The following PTPRM variants were observed in gnomAD, a reference collection of about 807,000 sequenced individuals.
The protein encoded by PTPRM is receptor-type tyrosine-protein phosphatase mu.
A neutral mutation model predicts 186.7 loss-of-function variants in PTPRM; 47 were observed. That is an observed-to-expected ratio of 0.25 (90% CI 0.20 to 0.32). The LOEUF (loss-of-function observed/expected upper bound fraction) is 0.32, where lower values mean the gene tolerates loss of function less well. Ranked by LOEUF, PTPRM falls within the 10% of genes least tolerant of loss-of-function variation. The pLI is 1.00. For missense variants in PTPRM, 1,494 were observed against 1,865.0 expected, an observed-to-expected ratio of 0.80 and a Z score of 3.66; for synonymous variants, 668 against 674.9, an observed-to-expected ratio of 0.99 and a Z score of 0.16.
chr18:7,985,052 T>C (rs2082835534), intron 7 of PTPRM, among the ~76,000 whole-genome samples: 1 of 123,842 alleles, frequency 8.1e-6, no homozygotes, highest in South Asian at 2.4e-4. Context: ...CATATAATTA[T>C]ATATACATAT....
intron 1 of PTPRM, among the ~76,000 whole-genome samples, chr18:7,686,832 A>G (rs1173114442): frequency 6.6e-6 from 1 of 152,168 alleles, no homozygotes; most frequent in Non-Finnish European, 1.5e-5. Flanking sequence ...AAATCCTTAT[A>G]TTTAATCCCT....
Position 8,244,205 on chromosome 18 carries a change from G to A in PTPRM, c.2448G>A (p.Gly816=). The change falls in exon 15 of 33, where the codon GGG becomes GGA. Residue 816 remains glycine (G), a synonymous_variant. Transcript: ENST00000580170. ...TCATGGACACGCACAATCTGAATGG[G>A]AGATGTAAGTGCATATGTTTCTTGG... is the stretch of plus-strand genomic sequence containing the variant. ...FSFMDTHNLN[G]RSVSSPSSFT... 1 of 1,560,444 alleles carries A rather than the reference G, an allele frequency of 6.4e-7. No individual in the cohort carries two copies. Among genetic ancestry groups the A allele is most frequent in the Non-Finnish European group, 8.6e-7 (1 of 1,159,938 alleles).
chr18:7,984,787 A>G (rs895476630), intron 7 of PTPRM, among the ~76,000 whole-genome samples: 6 of 137,558 alleles, frequency 4.4e-5, no homozygotes, highest in Non-Finnish European at 7.7e-5. Context: ...AAAATTATAT[A>G]CACACATATA....
intron 19 of PTPRM, among the ~76,000 whole-genome samples, chr18:8,284,755 A>G (rs2094938169): frequency 1.3e-5 from 2 of 152,208 alleles, no homozygotes; most frequent in African/African-American, 4.8e-5. Flanking sequence ...CTCAAAAAAC[A>G]TAAATAAATA....
intron 3 of PTPRM, among the ~76,000 whole-genome samples, chr18:7,893,220 A>C (rs1310414051): frequency 6.6e-6 from 1 of 152,200 alleles, no homozygotes; most frequent in Non-Finnish European, 1.5e-5. Context: ...AGGTCAAAGC[A>C]CAAGGCAGAA....
At chr18:8,178,157 A>G (rs775793124) in intron 14 of PTPRM, among the ~76,000 whole-genome samples, 1 of 152,186 alleles carries the variant, frequency 6.6e-6, no homozygotes, top group Non-Finnish European at 1.5e-5. Context: ...TGTGCCTAGA[A>G]TTAGAATATT....
At chr18:8,041,723 T>C (rs584379) in intron 7 of PTPRM, among the ~76,000 whole-genome samples, 134,917 of 152,246 alleles carry the variant, frequency 0.89, 60,061 homozygotes, top group African/African-American at 0.97. Flanking sequence ...TACATCTGTA[T>C]TGTGGCACCT....
chr18:8,055,859 T>C (rs2087889034), intron 7 of PTPRM, among the ~76,000 whole-genome samples: 1 of 152,220 alleles, frequency 6.6e-6, no homozygotes, highest in Non-Finnish European at 1.5e-5. Flanking sequence ...CTTGAGAACA[T>C]CATATTTGGC....
At position 7,985,289 on chromosome 18, in the gene PTPRM, A is replaced by T. The variant is rs1461936599; in HGVS notation, c.1132+29875A>T. ...TACATATAATAGTATATACACATAA[A>T]TATATACATATAATAGTATATACAC... is the stretch of plus-strand genomic sequence containing the variant. On this transcript the variant is annotated intron_variant, in intron 7 of 32. Transcript: ENST00000580170. 1.9e-5 allele frequency among the ~76,000 whole-genome samples: 2 copies of T among 103,198 alleles called. 1 individual carries two copies. Among genetic ancestry groups the T allele is most frequent in the Non-Finnish European group, 3.9e-5 (2 of 51,046 alleles). 67.7% of individuals were successfully genotyped at this position (103,198 alleles called of 152,430 possible).
chr18:7,850,852 A>G (rs1458246507), intron 2 of PTPRM, among the ~76,000 whole-genome samples: 1 of 152,232 alleles, frequency 6.6e-6, no homozygotes, highest in Admixed American at 6.5e-5. Flanking sequence ...ACCCCAAAAC[A>G]TAGCACTTAA....
chr18:7,728,606 G>C (rs1372485741), intron 1 of PTPRM, among the ~76,000 whole-genome samples: 2 of 152,220 alleles, frequency 1.3e-5, no homozygotes, highest in East Asian at 3.9e-4. Context: ...GGAAAGGGCA[G>C]GCAAACTGGG....
intron 1 of PTPRM, among the ~76,000 whole-genome samples, chr18:7,743,161 A>G (rs2040916730): frequency 6.6e-6 from 1 of 152,168 alleles, no homozygotes; most frequent in East Asian, 1.9e-4. Context: ...ATCCAGTTCT[A>G]CCACTTGCTA....
intron 11 of PTPRM, among the ~76,000 whole-genome samples, chr18:8,110,302 A>G (rs1329824208): frequency 6.6e-6 from 1 of 152,210 alleles, no homozygotes; most frequent in Non-Finnish European, 1.5e-5. Flanking sequence ...GAGCAGAGCA[A>G]GAGAACATGA....
At chr18:8,136,307 G>GA (rs34847227) in intron 13 of PTPRM, among the ~76,000 whole-genome samples, 3 of 152,074 alleles carry the variant, frequency 2.0e-5, no homozygotes, top group Non-Finnish European at 2.9e-5. Context: ...AATTCAAATG[G>GA]AAAAAATAAA....
At chr18:7,928,571 C>A (rs1214438828) in intron 5 of PTPRM, among the ~76,000 whole-genome samples, 1 of 152,114 alleles carries the variant, frequency 6.6e-6, no homozygotes, top group African/African-American at 2.4e-5. Context: ...AAAAATGAAA[C>A]TATTTGTTCC....
At chr18:7,706,947 A>T (rs1443696003) in intron 1 of PTPRM, among the ~76,000 whole-genome samples, 1 of 152,138 alleles carries the variant, frequency 6.6e-6, no homozygotes, top group African/African-American at 2.4e-5. Flanking sequence ...CCTTGTAAAC[A>T]TACTTCCAGA....
Position 8,072,520 on chromosome 18 carries a change from CA to C in PTPRM, c.1441+2534del, listed in dbSNP as rs202245332. ...TTCAAATTATATTTTGTAACCCCTC[CA>C]AAAAAAATACTTCAGAAAAGGCAGA... On this transcript the variant is annotated intron_variant, in intron 8 of 32. Transcript: ENST00000580170. Among the ~76,000 whole-genome samples, 11 of 151,430 alleles carry C rather than the reference CA, an allele frequency of 7.3e-5. No individual in the cohort carries two copies. The East Asian group carries it at 7.7e-4, about 11-fold the overall frequency.
intron 7 of PTPRM, among the ~76,000 whole-genome samples, chr18:7,968,326 C>A (rs1193681551): frequency 1.4e-5 from 2 of 147,202 alleles, no homozygotes; most frequent in African/African-American, 5.2e-5. Context: ...TGGAAAGGAA[C>A]AACTGGTACC....
At chr18:8,170,659 C>T (rs189298817) in intron 14 of PTPRM, among the ~76,000 whole-genome samples, 6 of 152,202 alleles carry the variant, frequency 3.9e-5, no homozygotes, top group Admixed American at 1.3e-4. Flanking sequence ...AGGAGAAACT[C>T]ATTAAGGGAG....
Sources: gnomAD v4.1 joint callset for allele counts (sites outside exome capture counted in the v4.1 genomes callset) on GRCh38, gnomAD v4.1.1 for gene constraint, MANE v1.5 for transcripts, NCBI Gene and HGNC (gene_info 2026-07-23, HGNC 2026-07-21) for gene names.